Variants in ZBTB8OS observed in about 807,000 individuals in gnomAD.
ZBTB8OS encodes tRNA splicing ligase complex subunit 1, also known as tRNA-splicing ligase-activating factor archease.
Under a neutral mutation model 29.3 loss-of-function variants are expected in ZBTB8OS, and 16 were observed. That is an observed-to-expected ratio of 0.55 (90% CI 0.37 to 0.83). ZBTB8OS has a LOEUF of 0.83. ZBTB8OS is among the 40% of genes least tolerant of loss of function. The pLI is 0.00. For synonymous variants in ZBTB8OS, 70 were observed against 64.6 expected, an observed-to-expected ratio of 1.08 and a Z score of -0.40; for missense variants, 160 against 196.9, an observed-to-expected ratio of 0.81 and a Z score of 1.12.
chr1:32,643,094 G>C (rs1164648925), intron 1 of ZBTB8OS, among the ~76,000 whole-genome samples: 1 of 98,350 alleles, frequency 1.0e-5, no homozygotes, highest in Non-Finnish European at 2.0e-5. Flanking sequence ...TTTTGAGATA[G>C]AGTTTCGCTC....
rs549261069 is a variant in ZBTB8OS at position 32,643,630 on chromosome 1, C to T, written c.97+6803G>A. The stretch of plus-strand genomic sequence containing the variant: ...CCTGCCTCAGCCTCCCGAGTAGCTA[C>T]GACTACAGGCGTGCACCACCACACT... On this transcript the variant is annotated intron_variant, in intron 1 of 6. Coordinates refer to ENST00000468695, the MANE Select transcript of ZBTB8OS (RefSeq NM_178547.5). 1.1e-4 allele frequency among the ~76,000 whole-genome samples: 17 copies of T among 151,250 alleles called. No homozygotes were observed. In the South Asian group the frequency reaches 1.9e-3, roughly 17 times the overall value.
At chr1:32,624,691 T>G (rs568437159) in intron 6 of ZBTB8OS, among the ~76,000 whole-genome samples, 3 of 149,648 alleles carry the variant, frequency 2.0e-5, no homozygotes, top group African/African-American at 7.4e-5. Context: ...GTCAGGAGTT[T>G]GAGACCAGCC....
chr1:32,633,838 T>C (rs1002117695), intron 3 of ZBTB8OS, 111 bp from the exon 4 acceptor site: 4 of 1,467,784 alleles, frequency 2.7e-6, no homozygotes, highest in Non-Finnish European at 3.7e-6. Context: ...AAGAAAAGAC[T>C]CATCCTTAAT....
At chr1:32,631,586 C>T (rs888635799) in intron 5 of ZBTB8OS, among the ~76,000 whole-genome samples, 11 of 152,106 alleles carry the variant, frequency 7.2e-5, no homozygotes, top group Non-Finnish European at 4.4e-5. Flanking sequence ...GGGCTTTATG[C>T]TGTGCCATTT....
chr1:32,634,351 C>CA, intron 2 of ZBTB8OS: 1 of 302,990 alleles, frequency 3.3e-6, no homozygotes, highest in Non-Finnish European at 6.0e-6. Flanking sequence ...CTCAGCCTCA[C>CA]AAGTAGCTGG....
At chr1:32,622,105 T>C (rs1228310245) in intron 6 of ZBTB8OS, among the ~76,000 whole-genome samples, 157 bp from the exon 7 acceptor site, 4 of 152,022 alleles carry the variant, frequency 2.6e-5, no homozygotes, top group Non-Finnish European at 2.9e-5. Flanking sequence ...TAGGAGAATA[T>C]ACAGGGATCC....
chr1:32,645,359 G>A (rs1350018965), intron 1 of ZBTB8OS, among the ~76,000 whole-genome samples: 1 of 151,972 alleles, frequency 6.6e-6, no homozygotes, highest in Non-Finnish European at 1.5e-5. Context: ...TTAGCTAGGT[G>A]TAGTAGCCAG....
At chr1:32,647,342 C>A (rs1646930429) in intron 1 of ZBTB8OS, among the ~76,000 whole-genome samples, 1 of 149,358 alleles carries the variant, frequency 6.7e-6, no homozygotes, top group Non-Finnish European at 1.5e-5. Flanking sequence ...GAGGCTGAGG[C>A]AGAAGAATTA....
chr1:32,643,505 T>G (rs980844410), intron 1 of ZBTB8OS, among the ~76,000 whole-genome samples: 3 of 151,938 alleles, frequency 2.0e-5, no homozygotes, highest in Non-Finnish European at 4.4e-5. Context: ...AGATCCCTCC[T>G]GCCTCAGCCT....
At chr1:32,624,239 CT>C (rs964435105) in intron 6 of ZBTB8OS, among the ~76,000 whole-genome samples, 6 of 152,190 alleles carry the variant, frequency 3.9e-5, no homozygotes, top group African/African-American at 1.4e-4. Context: ...TGACTACCCC[CT>C]CCCCTCCTCC....
chr1:32,629,538 C>T (rs995712198), intron 5 of ZBTB8OS, among the ~76,000 whole-genome samples: 3 of 152,056 alleles, frequency 2.0e-5, no homozygotes, highest in Admixed American at 6.6e-5. Flanking sequence ...TAATACAGTC[C>T]GAACTTGGTT....
chr1:32,637,011 T>A (rs1233104512), intron 1 of ZBTB8OS, among the ~76,000 whole-genome samples: 1 of 151,940 alleles, frequency 6.6e-6, no homozygotes, highest in Non-Finnish European at 1.5e-5. Flanking sequence ...AGGAAAGAAT[T>A]CTAATTTCCA....
chr1:32,629,623 G>T (rs1352768641), intron 5 of ZBTB8OS, among the ~76,000 whole-genome samples: 1 of 152,020 alleles, frequency 6.6e-6, no homozygotes, highest in Non-Finnish European at 1.5e-5. Context: ...TAGAACTTAG[G>T]ATCAGTCTCC....
chr1:32,646,322 G>A (rs1413055983), intron 1 of ZBTB8OS, among the ~76,000 whole-genome samples: 1 of 150,812 alleles, frequency 6.6e-6, no homozygotes, highest in Non-Finnish European at 1.5e-5. Context: ...ACTGTCTCAG[G>A]GAAAAAAAAA....
chr1:32,627,194 G>A (rs1397755227), intron 6 of ZBTB8OS, among the ~76,000 whole-genome samples: 1 of 152,226 alleles, frequency 6.6e-6, no homozygotes, highest in East Asian at 1.9e-4. Flanking sequence ...AAAGTAGAAG[G>A]CACAATAGAG....
At chr1:32,635,714 G>GA (rs1156785424) in intron 1 of ZBTB8OS, among the ~76,000 whole-genome samples, 1 of 152,182 alleles carries the variant, frequency 6.6e-6, no homozygotes, top group Non-Finnish European at 1.5e-5. Flanking sequence ...TTATGACAGT[G>GA]AAAGAAATCG....
At chr1:32,634,347 C>G (rs1645796986) in intron 2 of ZBTB8OS, 1 of 304,426 alleles carries the variant, frequency 3.3e-6, no homozygotes, top group East Asian at 5.8e-5. Flanking sequence ...CTGCCTCAGC[C>G]TCACAAGTAG....
At position 32,633,875 on chromosome 1, in the gene ZBTB8OS, C is replaced by T. The variant is rs141752859; in HGVS notation, c.244+76G>A. 3.0e-4 allele frequency: 458 copies of T among 1,510,976 alleles called. No homozygotes were observed. In the African/African-American group the frequency reaches 5.8e-3, roughly 19 times the overall value. 93.6% of individuals were successfully genotyped at this position (1,510,976 alleles called of 1,614,324 possible). On this transcript the variant is annotated intron_variant, in intron 3 of 6. Transcript: ENST00000468695. ...TTCTGGTTCTTTTTGTGAAAATATA[C>T]TCAGATTATGTAGAATACTGCACAA...
Position 32,640,221 on chromosome 1 carries a change from C to T in ZBTB8OS, c.98-5429G>A, listed in dbSNP as rs140206403. 6.0e-3 allele frequency among the ~76,000 whole-genome samples: 910 copies of T among 152,198 alleles called. 11 individuals carry two copies. Among genetic ancestry groups the T allele is most frequent in the African/African-American group, 0.02 (831 of 41,532 alleles). On this transcript the variant is annotated intron_variant, in intron 1 of 6. Transcript: ENST00000468695. ...AAGCAATTCCCCTGCCTCAGCCTCC[C>T]GAGTAGCTGGGATTACAGGCGCACG...
Sources: allele counts gnomAD v4.1 joint callset (sites outside exome capture counted in the v4.1 genomes callset), GRCh38; gene constraint gnomAD v4.1.1; transcripts MANE v1.5; gene names NCBI Gene and HGNC (gene_info 2026-07-23, HGNC 2026-07-21).